PTPN23: variants seen among roughly 807,000 people sequenced by gnomAD.
PTPN23 encodes tyrosine-protein phosphatase non-receptor type 23.
In PTPN23, 72 loss-of-function variants were observed where a neutral mutation model predicts 156.3. That is an observed-to-expected ratio of 0.46 (90% confidence interval 0.38 to 0.56). The LOEUF (loss-of-function observed/expected upper bound fraction) is 0.56. PTPN23 is among the 20% of genes least tolerant of loss of function. The pLI is 0.00. For synonymous variants in PTPN23, 957 were observed against 899.6 expected (o/e 1.06, Z -1.14); for missense variants, 1,974 against 2,171.5 (o/e 0.91, Z 1.81).
intron 2 of PTPN23, among the ~76,000 whole-genome samples, chr3:47,397,972 G>A (rs1341632882): frequency 6.6e-6 from 1 of 152,034 alleles, no homozygotes; most frequent in Non-Finnish European, 1.5e-5. Flanking sequence ...CGCCCCGCCT[G>A]GTGAAGATAT....
Position 47,407,552 on chromosome 3 carries a change from T to C in PTPN23, c.971T>C (p.Val324Ala), listed in dbSNP as rs759665215. The C allele has an allele frequency of 1.5e-5, 24 of 1,613,836 alleles. No individual in the cohort carries two copies. Among genetic ancestry groups the C allele is most frequent in the Non-Finnish European group, 2.0e-5 (24 of 1,179,916 alleles). The change falls in exon 12 of 25, where the codon GTC becomes GCC. Residue 324 changes from valine to alanine, a missense_variant. Physicochemically the swap from Val to Ala is moderately conservative, Grantham distance 64. Transcript: ENST00000265562. The surrounding 1 kb of genome is among the most constrained non-coding windows in gnomAD (Gnocchi z 4.0). ...KDNDFIYHEA[V>A]PALDTLQPVK... ...AACGACTTCATTTACCATGAGGCTG[T>C]CCCAGCATTGGACACTCTTCAGCCT...
chr3:47,396,047 C>T, intron 1 of PTPN23, 96 bp from the exon 2 acceptor site: 1 of 905,146 alleles, frequency 1.1e-6, no homozygotes, highest in Non-Finnish European at 1.7e-6. Flanking sequence ...TGTAGGTCTG[C>T]ACTTAATCCT....
intron 23 of PTPN23, 38 bp downstream of exon 23, chr3:47,412,459 T>G (rs761494802): frequency 6.2e-7 from 1 of 1,611,074 alleles, no homozygotes; most frequent in African/African-American, 1.3e-5. Flanking sequence ...ATGGGCCTTC[T>G]GTCCCAGGGT....
intron 1 of PTPN23, among the ~76,000 whole-genome samples, chr3:47,395,330 T>G (rs1287218707): frequency 6.6e-6 from 1 of 152,178 alleles, no homozygotes; most frequent in Non-Finnish European, 1.5e-5. Context: ...GCTCATAGTG[T>G]TTGTGGCGTG....
chr3:47,393,270 A>G (rs960536758), intron 1 of PTPN23, among the ~76,000 whole-genome samples: 8 of 152,048 alleles, frequency 5.3e-5, no homozygotes, highest in Non-Finnish European at 1.2e-4. Context: ...CTCCTGTCTC[A>G]GCCTCCTGAG....
At chr3:47,388,843 T>C (rs1463644233) in intron 1 of PTPN23, among the ~76,000 whole-genome samples, 1 of 152,102 alleles carries the variant, frequency 6.6e-6, no homozygotes, top group African/African-American at 2.4e-5. Context: ...TTTTGTCTTT[T>C]TAGTAGAGTC....
intron 2 of PTPN23, among the ~76,000 whole-genome samples, chr3:47,398,173 C>G (rs1056022178): frequency 1.5e-4 from 23 of 152,180 alleles, no homozygotes; most frequent in Non-Finnish European, 7.3e-5. Flanking sequence ...GCAGCGCATG[C>G]CTGTAATCCC....
At chr3:47,400,734 C>G (rs933328162) in intron 2 of PTPN23, among the ~76,000 whole-genome samples, 2 of 151,468 alleles carry the variant, frequency 1.3e-5, no homozygotes, top group Non-Finnish European at 1.5e-5. Context: ...CCATCACGCC[C>G]AGCTATATTT....
chr3:47,404,974 C>A (rs763183138), intron 3 of PTPN23, 31 bp from the exon 4 acceptor site: 2 of 1,613,558 alleles, frequency 1.2e-6, no homozygotes, highest in Non-Finnish European at 1.7e-6. Flanking sequence ...TAGCTCCTGC[C>A]CTCGAGATAA....
rs780673952 is a variant in PTPN23, at chr3:47,404,611, C to T, written c.160-41C>T. On this transcript the variant is annotated intron_variant, in intron 2 of 24. Transcript: ENST00000265562. Reference sequence around the variant, plus strand: ...TTAGCTGGCCTGCGTGTCCACTGCCCCATATGACAACAGGCCTGCTTCTCC... The same window carrying T: ...TTAGCTGGCCTGCGTGTCCACTGCCTCATATGACAACAGGCCTGCTTCTCC... The T allele has an allele frequency of 4.4e-6, 7 of 1,607,980 alleles. No individual in the cohort carries two copies. The South Asian group carries it at 6.6e-5, about 15-fold the overall frequency.
In PTPN23 at chr3:47,410,186, C is replaced by T. The variant is rs141149925; in HGVS notation, c.2388C>T (p.Tyr796=). The T allele has an allele frequency of 9.4e-6, 15 of 1,603,152 alleles. No individual in the cohort carries two copies. The highest frequency in any genetic ancestry group is 2.7e-5 in the African/African-American group (2 of 74,664). ...YLSGPLPPGT[Y]SGPTQLIQPR... is the part of the protein sequence containing the mutation. ...CAGGCCCCTTGCCCCCTGGTACCTACTCGGGCCCCACCCAGCTGATACAGC... is the reference window on the plus strand; with the variant it reads ...CAGGCCCCTTGCCCCCTGGTACCTATTCGGGCCCCACCCAGCTGATACAGC... Residue 796 remains tyrosine (Y), a synonymous_variant, in exon 20 of 25, where the codon TAC becomes TAT. Transcript: ENST00000265562.
Position 47,408,402 on chromosome 3 carries a change from C to T in PTPN23, c.1242C>T (p.Tyr414=). ...AGACGGTGGACAACCTTGATGCCTA[C>T]AGCCACATCCCACCCCAGCTCATGG... The part of the protein sequence containing the change: ...DPETVDNLDA[Y]SHIPPQLMEK... The change falls in exon 15 of 25, where the codon TAC becomes TAT. Residue 414 remains tyrosine (Y), a synonymous_variant. Coordinates refer to ENST00000265562, the MANE Select transcript of PTPN23 (RefSeq NM_015466.4). 3 of 1,614,168 alleles carry T rather than the reference C, an allele frequency of 1.9e-6. No homozygotes were observed. The highest frequency in any genetic ancestry group is 2.5e-6 in the Non-Finnish European group (3 of 1,180,024).
intron 1 of PTPN23, among the ~76,000 whole-genome samples, chr3:47,382,675 C>CTTTTTTTTTTTTTTTTTTTTTTTT (rs1704569368): frequency 1.6e-5 from 1 of 63,272 alleles, no homozygotes; most frequent in Non-Finnish European, 3.4e-5. Flanking sequence ...TTTTCTTTTT[C>CTTTTTTTTTTTTTTTTTTTTTTTT]TTTTCTTTTT....
chr3:47,383,632 G>A (rs1704594758), intron 1 of PTPN23, among the ~76,000 whole-genome samples: 1 of 152,204 alleles, frequency 6.6e-6, no homozygotes, highest in Non-Finnish European at 1.5e-5. Flanking sequence ...AAATATATGG[G>A]AATGCAGTAG....
Position 47,411,909 on chromosome 3 carries a change from C to G in PTPN23, c.4015C>G (p.Arg1339Gly), listed in dbSNP as rs724159944. Residue 1339 changes from arginine to glycine, a missense_variant, in exon 21 of 25, where the codon CGA becomes GGA. Arg to Gly is a moderately radical substitution (Grantham distance 125). Around this residue, in one of 4 missense-constraint regions of PTPN23, gnomAD observed 484 missense variants for 516.0 expected, o/e 0.94. Coordinates refer to ENST00000265562, the MANE Select transcript of PTPN23 (RefSeq NM_015466.4). The surrounding 1 kb of genome is among the most constrained non-coding windows in gnomAD (Gnocchi z 6.3). ...HVERVLSLQF[R>G]DQSLKRSLVH... ...GGAGCGCGTGCTGAGCCTGCAGTTCCGAGACCAGAGCCTCAAGCGCTCTCT... is the reference window on the plus strand; with the variant it reads ...GGAGCGCGTGCTGAGCCTGCAGTTCGGAGACCAGAGCCTCAAGCGCTCTCT... 1.2e-6 allele frequency: 2 copies of G among 1,613,442 alleles called. No homozygotes were observed. The highest frequency in any genetic ancestry group is 2.2e-5 in the East Asian group (1 of 44,882).
At chr3:47,384,455 C>CAAA (rs56896052) in intron 1 of PTPN23, among the ~76,000 whole-genome samples, 32,519 of 78,148 alleles carry the variant, frequency 0.42, 8,720 homozygotes, top group East Asian at 0.51. Context: ...GAGACTGTCT[C>CAAA]AAAAAAAAAA....
Position 47,405,623 on chromosome 3 carries a change from G to T in PTPN23, c.365-126G>T. On this transcript the variant is annotated intron_variant, in intron 4 of 24. Coordinates refer to ENST00000265562, the MANE Select transcript of PTPN23 (RefSeq NM_015466.4). This position sits in a 1 kb window ranked among gnomAD's most constrained non-coding sequence, Gnocchi z 4.7. ...GTTCCCTCCAGCTTGGGTGTCCTTGGACTCGTTGCCCTGGTTCTCAGAGCC... is the reference window on the plus strand; with the variant it reads ...GTTCCCTCCAGCTTGGGTGTCCTTGTACTCGTTGCCCTGGTTCTCAGAGCC... 2.1e-6 allele frequency: 2 copies of T among 960,312 alleles called. No individual in the cohort carries two copies. The highest frequency in any genetic ancestry group is 2.6e-5 in the East Asian group (1 of 38,336). 59.5% of individuals were successfully genotyped at this position (960,312 alleles called of 1,614,324 possible).
In PTPN23 at chr3:47,410,228, C is replaced by G; in HGVS notation, c.2430C>G (p.Pro810=). The G allele has an allele frequency of 1.2e-6, 2 of 1,611,666 alleles. No homozygotes were observed. The highest frequency in any genetic ancestry group is 2.2e-5 in the South Asian group (2 of 90,666). The change falls in exon 20 of 25, where the codon CCC becomes CCG. Residue 810 remains proline (P), a synonymous_variant. Coordinates refer to ENST00000265562, the MANE Select transcript of PTPN23 (RefSeq NM_015466.4). ...TGATACAGCCCAGGGCCCCAGGGCC[C>G]CATGCAATGCCCGTAGCACCTGGGC... is the stretch of plus-strand genomic sequence containing the variant. ...TQLIQPRAPG[P]HAMPVAPGPA...
chr3:47,405,154 C>A lies in PTPN23; in HGVS notation c.364+73C>A. ...GCCTAGCTTTCAGCTCTTCAGATGGCCACAAAGGCAGTGGGCTGATAAAGG... is the reference window on the plus strand; with the variant it reads ...GCCTAGCTTTCAGCTCTTCAGATGGACACAAAGGCAGTGGGCTGATAAAGG... On this transcript the variant is annotated intron_variant, in intron 4 of 24. Transcript: ENST00000265562. The surrounding 1 kb of genome is among the most constrained non-coding windows in gnomAD (Gnocchi z 4.7). 7.1e-7 allele frequency: 1 copy of A among 1,414,278 alleles called. No individual in the cohort carries two copies. 87.6% of individuals were successfully genotyped at this position (1,414,278 alleles called of 1,614,324 possible). A position where few individuals can be genotyped will look rare whatever the true frequency, so the allele number is the denominator to read the frequency against.
Sources: allele counts gnomAD v4.1 joint callset (sites outside exome capture counted in the v4.1 genomes callset), GRCh38; gene constraint gnomAD v4.1.1; regional missense constraint gnomAD v4.1.1; non-coding constraint Gnocchi (gnomAD v3.1); transcripts MANE v1.5; gene names NCBI Gene and HGNC (gene_info 2026-07-23, HGNC 2026-07-21).